Variants in LRP1B observed in about 807,000 individuals in gnomAD.
The protein encoded by LRP1B is LDL receptor related protein 1B, also known as low-density lipoprotein receptor-related protein 1B.
LRP1B carries 217 observed loss-of-function variants against 556.6 expected under a neutral mutation model. The observed-to-expected ratio is 0.39, with a 90% CI of 0.35 to 0.44. The LOEUF is 0.44. Ranked by LOEUF, LRP1B falls within the 20% of genes least tolerant of loss-of-function variation. The pLI is 1.00. For synonymous variants in LRP1B, 2,047 were observed against 1,865.8 expected (o/e 1.10, Z -2.50); for missense variants, 5,053 against 5,620.8 (o/e 0.90, Z 3.23).
At chr2:141,928,559 T>A (rs938680792) in intron 1 of LRP1B, among the ~76,000 whole-genome samples, 1 of 152,148 alleles carries the variant, frequency 6.6e-6, no homozygotes, top group Non-Finnish European at 1.5e-5. Context: ...CTATCACATG[T>A]ACATCTGAAG....
At chr2:141,429,879 C>A (rs939409845) in intron 3 of LRP1B, among the ~76,000 whole-genome samples, 3 of 152,202 alleles carry the variant, frequency 2.0e-5, no homozygotes, top group East Asian at 3.9e-4. Context: ...GAGAAAGAAG[C>A]CTATTGACAA....
intron 5 of LRP1B, among the ~76,000 whole-genome samples, chr2:141,231,816 A>G (rs1005388117): frequency 1.3e-5 from 2 of 152,140 alleles, no homozygotes; most frequent in Admixed American, 1.3e-4. Flanking sequence ...GACATTAAAT[A>G]TTTTTTATAC....
chr2:140,893,880 G>C (rs1014356011), intron 23 of LRP1B, among the ~76,000 whole-genome samples: 7 of 152,162 alleles, frequency 4.6e-5, no homozygotes, highest in Non-Finnish European at 2.9e-5. Context: ...TACTCATGAT[G>C]AAAATAGCAA....
At chr2:142,028,980 C>T (rs941236823) in intron 1 of LRP1B, among the ~76,000 whole-genome samples, 5 of 151,760 alleles carry the variant, frequency 3.3e-5, no homozygotes, top group Non-Finnish European at 7.4e-5. Context: ...AAGTGATGTT[C>T]AAATCTTTGC....
intron 2 of LRP1B, among the ~76,000 whole-genome samples, chr2:141,753,749 T>C (rs1232849383): frequency 6.6e-6 from 1 of 152,180 alleles, no homozygotes. Context: ...TTCTCCGATC[T>C]ACTGGCTAAA....
chr2:141,112,947 G>A (rs986105740), intron 7 of LRP1B, among the ~76,000 whole-genome samples: 1 of 152,044 alleles, frequency 6.6e-6, no homozygotes, highest in African/African-American at 2.4e-5. Context: ...GTTAAATTAA[G>A]CCTGTGATAA....
In LRP1B at chr2:140,244,321, CT is replaced by C. The variant is rs745814192; in HGVS notation, c.13324+2764del. Reference sequence around the variant, plus strand: ...GTAGCAAAAGAGATACAATGACCCCCTAACAGATATCTTGCCCCTATTGTCA... The same window carrying C: ...GTAGCAAAAGAGATACAATGACCCCCAACAGATATCTTGCCCCTATTGTCA... On this transcript the variant is annotated intron_variant, in intron 87 of 90. Coordinates refer to ENST00000389484, the MANE Select transcript of LRP1B (RefSeq NM_018557.3). Among the ~76,000 whole-genome samples, 180 of 151,310 alleles carry C rather than the reference CT, an allele frequency of 1.2e-3. No homozygotes were observed. The Middle Eastern group carries it at 0.017, about 14-fold the overall frequency.
intron 20 of LRP1B, among the ~76,000 whole-genome samples, chr2:140,929,410 G>C (rs1403667662): frequency 6.6e-6 from 1 of 152,054 alleles, no homozygotes; most frequent in Non-Finnish European, 1.5e-5. Context: ...TGGAACAAAA[G>C]ATTTTCTGCA....
chr2:142,018,798 TCCCCAGAAGCCAGA>T (rs1703234955), intron 1 of LRP1B, among the ~76,000 whole-genome samples: 1 of 151,974 alleles, frequency 6.6e-6, no homozygotes. Context: ...TTTTTTTTTT[TCCCCAGAAGCCAGA>T]TTTGGAGCTT....
At chr2:141,573,522 A>G (rs1426726840) in intron 2 of LRP1B, among the ~76,000 whole-genome samples, 1 of 152,094 alleles carries the variant, frequency 6.6e-6, no homozygotes, top group African/African-American at 2.4e-5. Context: ...CCCTAACATC[A>G]CAATTAAAGG....
intron 66 of LRP1B, among the ~76,000 whole-genome samples, chr2:140,440,043 T>A (rs902298025): frequency 6.6e-6 from 1 of 152,136 alleles, no homozygotes; most frequent in Non-Finnish European, 1.5e-5. Flanking sequence ...ACAAATTATT[T>A]AAATTAGAAT....
chr2:140,593,797 A>G (rs1460103410), intron 43 of LRP1B, among the ~76,000 whole-genome samples: 2 of 152,192 alleles, frequency 1.3e-5, no homozygotes, highest in African/African-American at 4.8e-5. Context: ...AAAAAATAAA[A>G]ATGTATTTAA....
At chr2:140,604,953 G>A (rs927545049) in intron 41 of LRP1B, among the ~76,000 whole-genome samples, 2 of 152,072 alleles carry the variant, frequency 1.3e-5, no homozygotes, top group African/African-American at 4.8e-5. Flanking sequence ...ATGATCGTGA[G>A]GCCTCCCCAG....
rs1443760467 is a variant in LRP1B, at chr2:140,315,060, C to G, written c.12680G>C (p.Cys4227Ser). The change falls in exon 83 of 91, where the codon TGC (cysteine) becomes TCC (serine). Residue 4227 changes from cysteine (C) to serine (S), a missense_variant. This residue lies in a region of LRP1B where 551 missense variants were observed against 592.0 expected (regional missense o/e 0.93). Coordinates refer to ENST00000389484, the MANE Select transcript of LRP1B (RefSeq NM_018557.3). ...CAAATCACCTTTCTCATTTAAAATG[C>G]ATCTTCCTCCATTTTCACAAGTTAA... ...CKLTCENGGR[C>S]ILNEKGDLRC... The G allele has an allele frequency of 6.2e-7, 1 of 1,610,540 alleles. No homozygotes were observed. The highest frequency in any genetic ancestry group is 8.5e-7 in the Non-Finnish European group (1 of 1,178,104).
At chr2:141,825,069 C>T (rs1696878344) in intron 1 of LRP1B, among the ~76,000 whole-genome samples, 2 of 152,162 alleles carry the variant, frequency 1.3e-5, no homozygotes, top group Non-Finnish European at 2.9e-5. Flanking sequence ...TTTCCTGAGG[C>T]CGCCCCAAAC....
intron 2 of LRP1B, among the ~76,000 whole-genome samples, chr2:141,733,302 A>T (rs530154649): frequency 5.3e-5 from 8 of 152,132 alleles, no homozygotes; most frequent in African/African-American, 1.7e-4. Flanking sequence ...TGTTTGAATT[A>T]CGATTGGTCT....
At chr2:140,659,378 T>G (rs761459046) in intron 41 of LRP1B, among the ~76,000 whole-genome samples, 1 of 151,940 alleles carries the variant, frequency 6.6e-6, no homozygotes, top group Non-Finnish European at 1.5e-5. Flanking sequence ...ATGGTTTTAT[T>G]TGATGAATAA....
intron 6 of LRP1B, among the ~76,000 whole-genome samples, chr2:141,205,748 T>G (rs574823208): frequency 2.7e-4 from 41 of 152,304 alleles, no homozygotes; most frequent in African/African-American, 9.4e-4. Flanking sequence ...TCAAATGTCT[T>G]TGAAAAAAAT....
At chr2:141,360,657 G>C (rs937078229) in intron 3 of LRP1B, among the ~76,000 whole-genome samples, 4 of 152,144 alleles carry the variant, frequency 2.6e-5, no homozygotes, top group Non-Finnish European at 4.4e-5. Flanking sequence ...CAAAGCTGAG[G>C]CTGGGGCAGG....
Sources: gnomAD v4.1 joint callset for allele counts (sites outside exome capture counted in the v4.1 genomes callset) on GRCh38, gnomAD v4.1.1 for gene constraint, gnomAD v4.1.1 regional missense constraint, MANE v1.5 for transcripts, NCBI Gene and HGNC (gene_info 2026-07-23, HGNC 2026-07-21) for gene names.